SORCS1: variants seen among roughly 807,000 people sequenced by gnomAD.
The protein encoded by SORCS1 is sortilin related VPS10 domain containing receptor 1, also known as VPS10 domain-containing receptor SorCS1.
In SORCS1, 60 loss-of-function variants were observed where a neutral mutation model predicts 146.1. The observed-to-expected ratio is 0.41, with a 90% CI of 0.33 to 0.51. The LOEUF is 0.51. SORCS1 is among the 20% of genes least tolerant of loss of function. The pLI is 0.21. For missense variants in SORCS1, 1,352 were observed against 1,487.6 expected (o/e 0.91, Z 1.50); for synonymous variants, 637 against 584.0 (o/e 1.09, Z -1.31).
intron 2 of SORCS1, among the ~76,000 whole-genome samples, chr10:106,911,717 T>G (rs986963962): frequency 1.3e-5 from 2 of 152,098 alleles, no homozygotes; most frequent in African/African-American, 2.4e-5. Context: ...TAGATTCACA[T>G]GGGGAGATTT....
chr10:106,985,487 TA>T lies in SORCS1; in HGVS notation c.559-28908del, dbSNP rs1056932313. On this transcript the variant is annotated intron_variant, in intron 1 of 25. Coordinates refer to ENST00000263054, the MANE Select transcript of SORCS1 (RefSeq NM_052918.5). ...AAATGAATGTCTACAGAGTGTCAGC[TA>T]TGTTCAAGACAACACGTGAAGTCTA... Among the ~76,000 whole-genome samples the T allele has an allele frequency of 2.6e-4, 40 of 151,858 alleles. 1 individual carries two copies. The highest frequency in any genetic ancestry group is 2.2e-3 in the Admixed American group (33 of 15,244).
At chr10:107,064,750 C>T (rs934330670) in intron 1 of SORCS1, among the ~76,000 whole-genome samples, 7 of 152,172 alleles carry the variant, frequency 4.6e-5, no homozygotes, top group African/African-American at 1.4e-4. Context: ...GTAAGCTCTA[C>T]AAGACTTTAT....
intron 1 of SORCS1, among the ~76,000 whole-genome samples, chr10:107,065,466 C>CT (rs1554937498): frequency 1.7e-5 from 1 of 59,030 alleles, no homozygotes; most frequent in East Asian, 4.0e-4. Context: ...CTTTCTCTCT[C>CT]CCTCTCCTCT....
At chr10:106,916,575 T>TACACACAC (rs59313831) in intron 2 of SORCS1, among the ~76,000 whole-genome samples, 51 of 142,828 alleles carry the variant, frequency 3.6e-4, no homozygotes, top group East Asian at 1.6e-3. Context: ...TGCATATATA[T>TACACACAC]ACACACACAC....
At position 106,691,342 on chromosome 10, in the gene SORCS1, T is replaced by C. The variant is rs559064561; in HGVS notation, c.1414-3004A>G. Among the ~76,000 whole-genome samples, 3 of 152,334 alleles carry C rather than the reference T, an allele frequency of 2.0e-5. No individual in the cohort carries two copies. The East Asian group carries it at 5.8e-4, about 29-fold the overall frequency. On this transcript the variant is annotated intron_variant, in intron 9 of 25. Coordinates refer to ENST00000263054, the MANE Select transcript of SORCS1 (RefSeq NM_052918.5). ...CTCCTTTGGGAAAAGAATTGTTGCC[T>C]TTAATGCCCTTCTGAATTCTGCATA... is the stretch of plus-strand genomic sequence containing the variant.
intron 2 of SORCS1, among the ~76,000 whole-genome samples, chr10:106,921,450 C>T (rs1020431130): frequency 2.0e-5 from 3 of 152,194 alleles, no homozygotes; most frequent in African/African-American, 7.2e-5. Flanking sequence ...ATCAGACTTA[C>T]AATGTTCTCT....
chr10:106,705,644 C>G (rs1854462716), intron 8 of SORCS1, among the ~76,000 whole-genome samples: 1 of 152,176 alleles, frequency 6.6e-6, no homozygotes, highest in Admixed American at 6.5e-5. Flanking sequence ...CATGCATCTC[C>G]CTTGCTCTAA....
At chr10:106,772,447 T>G (rs1399727052) in intron 4 of SORCS1, among the ~76,000 whole-genome samples, 2 of 151,448 alleles carry the variant, frequency 1.3e-5, no homozygotes, top group Non-Finnish European at 2.9e-5. Context: ...ATTCCCATAA[T>G]CAATCAATCA....
chr10:107,084,910 A>AGCTTATTTACAAGCTTAT (rs1393235547), intron 1 of SORCS1, among the ~76,000 whole-genome samples: 2 of 152,200 alleles, frequency 1.3e-5, no homozygotes, highest in Admixed American at 6.5e-5. Context: ...TGAGACTCTG[A>AGCTTATTTACAAGCTTAT]TTACAAGCTT....
intron 1 of SORCS1, among the ~76,000 whole-genome samples, chr10:107,092,782 C>CTTTA (rs1367516052): frequency 6.7e-6 from 1 of 148,310 alleles, no homozygotes; most frequent in Non-Finnish European, 1.5e-5. Context: ...AAACAGAAGG[C>CTTTA]TTTATATTTT....
At chr10:106,794,416 C>T (rs950834992) in intron 3 of SORCS1, among the ~76,000 whole-genome samples, 17 of 152,130 alleles carry the variant, frequency 1.1e-4, no homozygotes, top group African/African-American at 2.6e-4. Context: ...ACAGATTTAG[C>T]GGGCAGAGAG....
At chr10:106,727,035 G>T (rs549764259) in intron 6 of SORCS1, among the ~76,000 whole-genome samples, 1 of 150,900 alleles carries the variant, frequency 6.6e-6, no homozygotes, top group African/African-American at 2.4e-5. Context: ...GCAGTGAGCC[G>T]AGATAGTGCC....
chr10:106,907,760 C>G (rs1951972831), intron 2 of SORCS1, among the ~76,000 whole-genome samples: 1 of 151,992 alleles, frequency 6.6e-6, no homozygotes, highest in Non-Finnish European at 1.5e-5. Context: ...AAATCTGTCT[C>G]TACCAAAAAT....
chr10:107,152,561 G>C (rs1968909301), intron 1 of SORCS1, among the ~76,000 whole-genome samples: 1 of 152,160 alleles, frequency 6.6e-6, no homozygotes, highest in Admixed American at 6.5e-5. Flanking sequence ...CCTCCATGCT[G>C]TTCTCATAAT....
intron 1 of SORCS1, among the ~76,000 whole-genome samples, chr10:107,000,726 A>G (rs12240835): frequency 0.089 from 13,554 of 152,210 alleles, 1,988 homozygotes; most frequent in African/African-American, 0.31. Flanking sequence ...AGATTGAACA[A>G]ATAAATACAA....
chr10:106,912,764 C>T (rs1197760577), intron 2 of SORCS1, among the ~76,000 whole-genome samples: 1 of 152,114 alleles, frequency 6.6e-6, no homozygotes, highest in Non-Finnish European at 1.5e-5. Flanking sequence ...CTGCAACCTC[C>T]ACCTCCTGGG....
intron 1 of SORCS1, among the ~76,000 whole-genome samples, chr10:107,044,538 A>G (rs930865665): frequency 1.4e-5 from 2 of 147,820 alleles, no homozygotes; most frequent in Non-Finnish European, 3.0e-5. Flanking sequence ...AAAAAAAAAA[A>G]GTTGGCAGGG....
At chr10:106,892,262 G>T (rs191728773) in intron 2 of SORCS1, among the ~76,000 whole-genome samples, 33 of 152,288 alleles carry the variant, frequency 2.2e-4, no homozygotes, top group Non-Finnish European at 1.9e-4. Flanking sequence ...GTTCAAATAG[G>T]ATTGCAACTG....
intron 23 of SORCS1, among the ~76,000 whole-genome samples, chr10:106,598,163 T>C (rs57487643): frequency 0.036 from 5,492 of 151,826 alleles, 119 homozygotes; most frequent in African/African-American, 0.061. Context: ...GTAGAAAACC[T>C]AGCTCCATTT....
Sources: allele counts gnomAD v4.1 joint callset (sites outside exome capture counted in the v4.1 genomes callset), GRCh38; gene constraint gnomAD v4.1.1; transcripts MANE v1.5; gene names NCBI Gene and HGNC (gene_info 2026-07-23, HGNC 2026-07-21).